CD1D: variants seen among roughly 807,000 people sequenced by gnomAD.
CD1D encodes antigen-presenting glycoprotein CD1d.
A neutral mutation model predicts 42.1 loss-of-function variants in CD1D; 40 were observed. That is an observed-to-expected ratio of 0.95 (90% confidence interval 0.74 to 1.24). CD1D has a LOEUF of 1.24. CD1D is among the 50% of genes most tolerant of loss of function. CD1D has a pLI of 0.00. For synonymous variants in CD1D, 178 were observed against 171.8 expected, an observed-to-expected ratio of 1.04 and a Z score of -0.28; for missense variants, 437 against 416.5, an observed-to-expected ratio of 1.05 and a Z score of -0.43.
At chr1:158,181,775 A>G (rs1648438877) in intron 2 of CD1D, 54 bp downstream of exon 2, 1 of 1,590,698 alleles carries the variant, frequency 6.3e-7, no homozygotes, top group Admixed American at 1.7e-5. Flanking sequence ...GAATGGCCAC[A>G]GAAACTCAAC....
rs763602241 is a variant in CD1D at position 158,183,204 on chromosome 1, A to C, written c.886+48A>C. 1.5e-5 allele frequency: 23 copies of C among 1,553,936 alleles called. No individual in the cohort carries two copies. The South Asian group carries it at 2.8e-4, about 19-fold the overall frequency. On this transcript the variant is annotated intron_variant, in intron 4 of 5. Coordinates refer to ENST00000674085, the MANE Select transcript of CD1D (RefSeq NM_001371762.2). ...CTGGAAATGGCAGGAGGTGGTCCTC[A>C]GGCATAGAGGGAGGCACTGGGGTGG...
chr1:158,184,291 C>T lies in CD1D; in HGVS notation c.*141C>T. 3.8e-6 allele frequency: 3 copies of T among 789,948 alleles called. No individual in the cohort carries two copies. The highest frequency in any genetic ancestry group is 6.3e-6 in the Non-Finnish European group (3 of 475,544). The allele number at this position is 789,948 out of a possible 1,614,324, so 48.9% of individuals were successfully genotyped here. On this transcript the variant is annotated 3_prime_UTR_variant, in exon 6 of 6. Coordinates refer to ENST00000674085, the MANE Select transcript of CD1D (RefSeq NM_001371762.2). ...ATACCTTGAAAAAGTAGAGAACAGTCATGAGGCAGCTTTCATCACACCCTT... is the reference window on the plus strand; with the variant it reads ...ATACCTTGAAAAAGTAGAGAACAGTTATGAGGCAGCTTTCATCACACCCTT...
chr1:158,181,336 G>C, intron 1 of CD1D, 119 bp from the exon 2 acceptor site: 1 of 1,480,108 alleles, frequency 6.8e-7, no homozygotes, highest in Admixed American at 1.8e-5. Flanking sequence ...GCGGCACAGA[G>C]TTCGCTGGCA....
intron 2 of CD1D, 33 bp downstream of exon 2, chr1:158,181,754 C>T (rs200738108): frequency 8.5e-5 from 136 of 1,599,770 alleles, no homozygotes; most frequent in Middle Eastern, 1.7e-4. Context: ...GGGCCGGTAC[C>T]CAAGGGGAGA....
At position 158,183,160 on chromosome 1, in the gene CD1D, A is replaced by G. The variant is rs1648538766; in HGVS notation, c.886+4A>G. On this transcript the variant is annotated splice_donor_region_variant and intron_variant, in intron 4 of 5. Transcript: ENST00000674085. ...CAGGACATCGTCCTCTACTGGGGTGAGAAAAAGCTGGGCCCAAGCTGGAAA... is the reference window on the plus strand; with the variant it reads ...CAGGACATCGTCCTCTACTGGGGTGGGAAAAAGCTGGGCCCAAGCTGGAAA... 6.3e-7 allele frequency: 1 copy of G among 1,586,614 alleles called. No individual in the cohort carries two copies. Among genetic ancestry groups the G allele is most frequent in the African/African-American group, 1.3e-5 (1 of 74,578 alleles).
chr1:158,183,360 G>A lies in CD1D; in HGVS notation c.886+204G>A, dbSNP rs1036979307. Among the ~76,000 whole-genome samples, 6 of 152,172 alleles carry A rather than the reference G, an allele frequency of 3.9e-5. 1 individual carries two copies. In the South Asian group the frequency reaches 1.2e-3, roughly 32 times the overall value. ...GAAAGTCTAAAAGGATTGAAATAGT[G>A]CTCTCTATATACAAGAAGAAACAAG... On this transcript the variant is annotated intron_variant, in intron 4 of 5. Transcript: ENST00000674085.
In CD1D at chr1:158,186,317, T is replaced by G. The variant is rs748779959; in HGVS notation, c.*2167T>G. Among the ~76,000 whole-genome samples, 1 of 152,186 alleles carries G rather than the reference T, an allele frequency of 6.6e-6. No individual in the cohort carries two copies. Among genetic ancestry groups the G allele is most frequent in the Non-Finnish European group, 1.5e-5 (1 of 68,040 alleles). ...CATTCTGAGGGCACGTGTGTTAAAG[T>G]CTCTACTGATGTCCTTTTGGAAATG... On this transcript the variant is annotated 3_prime_UTR_variant, in exon 6 of 6. Coordinates refer to ENST00000674085, the MANE Select transcript of CD1D (RefSeq NM_001371762.2).
chr1:158,182,895 C>A lies in CD1D; in HGVS notation c.625C>A (p.Leu209Met). The change falls in exon 4 of 6, where the codon CTG (leucine) becomes ATG (methionine). Residue 209 changes from leucine to methionine, a missense_variant. By Grantham distance (15) the Leu-to-Met change is conservative. Transcript: ENST00000674085. ...LKKQVKPKAW[L>M]SRGPSPGPGR... ...GGATACAGTGAAGCCCAAGGCCTGG[C>A]TGTCCCGTGGCCCCAGTCCTGGCCC... is the stretch of plus-strand genomic sequence containing the variant. 7 of 1,610,024 alleles carry A rather than the reference C, an allele frequency of 4.3e-6. No individual in the cohort carries two copies. The highest frequency in any genetic ancestry group is 5.9e-6 in the Non-Finnish European group (7 of 1,177,510).
Position 158,182,214 on chromosome 1 carries a change from T to G in CD1D, c.511T>G (p.Trp171Gly). Residue 171 changes from tryptophan to glycine, a missense_variant, in exon 3 of 6, where the codon TGG (tryptophan) becomes GGG (glycine). Coordinates refer to ENST00000674085, the MANE Select transcript of CD1D (RefSeq NM_001371762.2). ...LAIQVLNQDKWTRETVQWLLN... is the reference protein window; with the variant it reads ...LAIQVLNQDKGTRETVQWLLN... The stretch of plus-strand genomic sequence containing the variant: ...CATTCAAGTGCTCAACCAGGACAAG[T>G]GGACGAGGGAAACAGTGCAGTGGCT... 1 of 1,614,156 alleles carries G rather than the reference T, an allele frequency of 6.2e-7. No homozygotes were observed.
rs957948862 is a variant in CD1D, at chr1:158,185,685, T to TA, written c.*1544dup. 4.0e-5 allele frequency among the ~76,000 whole-genome samples: 6 copies of TA among 151,678 alleles called. No homozygotes were observed. The highest frequency in any genetic ancestry group is 2.0e-4 in the East Asian group (1 of 5,128). ...AGGATGACAGAGGGAGACCCTGTCT[T>TA]AAAAAAAAATTATGCTAGCTTTTAA... On this transcript the variant is annotated 3_prime_UTR_variant, in exon 6 of 6. Coordinates refer to ENST00000674085, the MANE Select transcript of CD1D (RefSeq NM_001371762.2).
At chr1:158,179,157 A>G (rs1162940313), upstream of CD1D, among the ~76,000 whole-genome samples, 1 of 152,340 alleles carries the variant, frequency 6.6e-6, no homozygotes, top group East Asian at 1.9e-4. Flanking sequence ...TAAAGTTAAA[A>G]ATATTGCCCC....
At chr1:158,183,347 G>T (rs1181502419) in intron 4 of CD1D, among the ~76,000 whole-genome samples, 191 bp downstream of exon 4, 2 of 152,162 alleles carry the variant, frequency 1.3e-5, no homozygotes, top group Non-Finnish European at 2.9e-5. Context: ...AAGTCTAAAA[G>T]GATTGAAATA....
At chr1:158,178,207 C>T (rs1045019971), upstream of CD1D, among the ~76,000 whole-genome samples, 2 of 152,182 alleles carry the variant, frequency 1.3e-5, no homozygotes, top group Non-Finnish European at 2.9e-5. Context: ...AACTACGGTC[C>T]TTGATCACCA....
chr1:158,183,897 G>T (rs1463846824), intron 4 of CD1D, 39 bp from the exon 5 acceptor site: 2 of 1,487,824 alleles, frequency 1.3e-6, no homozygotes, highest in Non-Finnish European at 9.4e-7. Flanking sequence ...GTAGAGAGGG[G>T]TCCTGTGCTG....
At chr1:158,180,331 G>C (rs149142439), upstream of CD1D, among the ~76,000 whole-genome samples, 4 of 152,256 alleles carry the variant, frequency 2.6e-5, no homozygotes, top group Admixed American at 6.5e-5. Flanking sequence ...AAGGTATGCC[G>C]GCAGAGCCTA....
At chr1:158,181,246 T>C (rs1558043281) in intron 1 of CD1D, 84 bp downstream of exon 1, 6 of 1,485,372 alleles carry the variant, frequency 4.0e-6, no homozygotes, top group Non-Finnish European at 4.6e-6. Flanking sequence ...CAACGCCTGA[T>C]GGGGACTGGT....
rs748004286 is a variant in CD1D, at chr1:158,183,024, G to T, written c.754G>T (p.Asp252Tyr). The T allele has an allele frequency of 6.2e-7, 1 of 1,614,148 alleles. No individual in the cohort carries two copies. Among genetic ancestry groups the T allele is most frequent in the Non-Finnish European group, 8.5e-7 (1 of 1,179,988 alleles). ...GGAGCAGCAGGGCACTCAGCCAGGG[G>T]ACATCCTGCCCAATGCTGACGAGAC... The part of the protein sequence containing the change: ...EQEQQGTQPG[D>Y]ILPNADETWY... Residue 252 changes from aspartate to tyrosine, a missense_variant, in exon 4 of 6, where the codon GAC becomes TAC. Asp to Tyr is a radical substitution (Grantham distance 160, BLOSUM62 -3). Transcript: ENST00000674085.
At position 158,181,091 on chromosome 1, in the gene CD1D, C is replaced by A. The variant is rs199742230; in HGVS notation, c.-11C>A. 1.4e-4 allele frequency: 216 copies of A among 1,544,342 alleles called. 3 individuals are homozygous for A. In the African/African-American group the frequency reaches 2.6e-3, roughly 19 times the overall value. On this transcript the variant is annotated 5_prime_UTR_variant, in exon 1 of 6. Coordinates refer to ENST00000674085, the MANE Select transcript of CD1D (RefSeq NM_001371762.2). ...GCAGCGGCGCTCCGCGAGGTCCCCA[C>A]GCCGGGCGATATGGGGTGCCTGCTG...
Position 158,183,222 on chromosome 1 carries a change from TG to T in CD1D, c.886+70del. On this transcript the variant is annotated intron_variant, in intron 4 of 5. Transcript: ENST00000674085. ...GGTCCTCAGGCATAGAGGGAGGCAC[TG>T]GGGTGGGATGTGGCTTGATATACCC... 2.6e-6 allele frequency: 4 copies of T among 1,529,398 alleles called. No homozygotes were observed. In the African/African-American group the frequency reaches 4.1e-5, roughly 16 times the overall value. 94.7% of individuals were successfully genotyped at this position (1,529,398 alleles called of 1,614,324 possible). A position where few individuals can be genotyped will look rare whatever the true frequency, so the allele number is the denominator to read the frequency against.
Sources: gnomAD v4.1 joint callset for allele counts (sites outside exome capture counted in the v4.1 genomes callset) on GRCh38, gnomAD v4.1.1 for gene constraint, MANE v1.5 for transcripts, NCBI Gene and HGNC (gene_info 2026-07-23, HGNC 2026-07-21) for gene names.